Variants in MROH2A observed in about 807,000 individuals in gnomAD.
The protein encoded by MROH2A is maestro heat-like repeat-containing protein family member 2A.
Under a neutral mutation model 200.4 loss-of-function variants are expected in MROH2A, and 174 were observed. The observed-to-expected ratio is 0.87, with a 90% CI of 0.77 to 0.98. MROH2A has a LOEUF of 0.98. Among genes scored for constraint, MROH2A ranks in the 50% least tolerant of loss-of-function variants. The pLI is 0.00. For missense variants in MROH2A, 2,045 were observed against 2,139.6 expected (o/e 0.96, Z 0.87); for synonymous variants, 829 against 840.4 (o/e 0.99, Z 0.23).
At chr2:233,806,740 C>T (rs13412302) in intron 19 of MROH2A, among the ~76,000 whole-genome samples, 1 of 152,086 alleles carries the variant, frequency 6.6e-6, no homozygotes, top group Non-Finnish European at 1.5e-5. Flanking sequence ...TATAACATGC[C>T]TGCCCTTATG....
chr2:233,809,194 C>G lies in MROH2A; in HGVS notation c.2364C>G (p.Ser788=). The G allele has an allele frequency of 6.4e-7, 1 of 1,550,520 alleles. No individual in the cohort carries two copies. The highest frequency in any genetic ancestry group is 8.7e-7 in the Non-Finnish European group (1 of 1,146,960). ...ALMVMYSCVA[S]YCHPQLLLNL... Reference sequence around the variant, plus strand: ...TGGTGATGTATAGCTGCGTGGCCTCCTACTGCCACCCCCAGTTGCTCCTCA... The same window carrying G: ...TGGTGATGTATAGCTGCGTGGCCTCGTACTGCCACCCCCAGTTGCTCCTCA... The change falls in exon 22 of 42, where the codon TCC becomes TCG. Residue 788 remains serine, a synonymous_variant. Coordinates refer to ENST00000389758, the MANE Select transcript of MROH2A (RefSeq NM_001394639.1).
At chr2:233,825,921 C>CTTTTT (rs34849761) in intron 35 of MROH2A, among the ~76,000 whole-genome samples, 1,947 of 95,188 alleles carry the variant, frequency 0.02, 116 homozygotes, top group African/African-American at 0.076. Context: ...TTTCTTTTTC[C>CTTTTT]TTTTTTTTTT....
chr2:233,822,184 C>T lies in MROH2A; in HGVS notation c.3573C>T (p.Leu1191=). The T allele has an allele frequency of 6.5e-7, 1 of 1,549,784 alleles. No individual in the cohort carries two copies. Reference sequence around the variant, plus strand: ...ACGTGCCCTTCGCCCGGACCATGCTCCACAGCCTGATGGGCCGGCTGCAGT... The same window carrying T: ...ACGTGCCCTTCGCCCGGACCATGCTTCACAGCCTGATGGGCCGGCTGCAGT... The part of the protein sequence containing the change: ...SENVPFARTM[L]HSLMGRLQSR... The change falls in exon 32 of 42, where the codon CTC becomes CTT. Residue 1191 remains leucine, a synonymous_variant. Transcript: ENST00000389758.
rs751223531 is a variant in MROH2A at position 233,828,809 on chromosome 2, C to T, written c.4263+30C>T. ...TGTGCCTGGCCCTGGGCCCAGGTCCCGGGAGCTGAGGGTGCAGGCCGGGTG... is the reference window on the plus strand; with the variant it reads ...TGTGCCTGGCCCTGGGCCCAGGTCCTGGGAGCTGAGGGTGCAGGCCGGGTG... On this transcript the variant is annotated intron_variant, in intron 36 of 41. Coordinates refer to ENST00000389758, the MANE Select transcript of MROH2A (RefSeq NM_001394639.1). The surrounding 1 kb of genome is among the most constrained non-coding windows in gnomAD (Gnocchi z 4.6). 4.0e-5 allele frequency: 62 copies of T among 1,548,922 alleles called. No homozygotes were observed. Among genetic ancestry groups the T allele is most frequent in the Middle Eastern group, 1.7e-4 (1 of 6,006 alleles).
chr2:233,785,823 A>G (rs745889446), intron 3 of MROH2A, among the ~76,000 whole-genome samples: 2 of 152,104 alleles, frequency 1.3e-5, no homozygotes, highest in East Asian at 3.9e-4. Context: ...GTTGGTTGGA[A>G]TACTGTGTTC....
intron 3 of MROH2A, among the ~76,000 whole-genome samples, chr2:233,784,364 G>A (rs1701092325): frequency 1.3e-5 from 2 of 151,890 alleles, no homozygotes; most frequent in Non-Finnish European, 2.9e-5. Flanking sequence ...TTTTTTTGTG[G>A]TTGATTTCTA....
chr2:233,802,367 T>C, intron 15 of MROH2A, 52 bp downstream of exon 15: 1 of 1,509,294 alleles, frequency 6.6e-7, no homozygotes, highest in South Asian at 1.3e-5. Flanking sequence ...GGCTGGCTCC[T>C]TGTCTGGGAA....
chr2:233,825,447 T>C (rs1192631529), intron 35 of MROH2A, among the ~76,000 whole-genome samples: 1 of 152,240 alleles, frequency 6.6e-6, no homozygotes, highest in African/African-American at 2.4e-5. Flanking sequence ...AGTATGATAT[T>C]GGTTGTGGGT....
At chr2:233,785,467 C>CAA (rs34259208) in intron 3 of MROH2A, among the ~76,000 whole-genome samples, 4,878 of 110,474 alleles carry the variant, frequency 0.044, 133 homozygotes, top group African/African-American at 0.067. Flanking sequence ...GACTTTGTCT[C>CAA]AAAAAAAAAA....
chr2:233,804,379 T>C, intron 17 of MROH2A, 116 bp from the exon 18 acceptor site: 2 of 1,332,144 alleles, frequency 1.5e-6, no homozygotes, highest in Non-Finnish European at 2.1e-6. Flanking sequence ...GTGTGATGTG[T>C]TCATCCATGG....
At chr2:233,809,022 C>G in intron 21 of MROH2A, 104 bp from the exon 22 acceptor site, 1 of 1,313,974 alleles carries the variant, frequency 7.6e-7, no homozygotes, top group South Asian at 1.5e-5. Context: ...GAAGCACCGC[C>G]AGCTGACTCA....
intron 3 of MROH2A, among the ~76,000 whole-genome samples, chr2:233,780,793 A>G (rs1464120781): frequency 1.3e-5 from 2 of 152,186 alleles, no homozygotes; most frequent in Admixed American, 6.5e-5. Flanking sequence ...ATTGTTGACT[A>G]TATTCACAAC....
At chr2:233,812,459 T>G (rs1703221022) in intron 24 of MROH2A, among the ~76,000 whole-genome samples, 1 of 152,220 alleles carries the variant, frequency 6.6e-6, no homozygotes, top group African/African-American at 2.4e-5. Context: ...TTAAAGAGTT[T>G]GGGTCATCTC....
At chr2:233,785,220 A>G (rs28899483) in intron 3 of MROH2A, among the ~76,000 whole-genome samples, 2,102 of 152,130 alleles carry the variant, frequency 0.014, 60 homozygotes, top group Admixed American at 0.069. Flanking sequence ...CTTGCTCTTG[A>G]AAGGACAGTT....
At chr2:233,798,472 C>T (rs1371747776) in intron 11 of MROH2A, among the ~76,000 whole-genome samples, 3 of 152,226 alleles carry the variant, frequency 2.0e-5, no homozygotes, top group Non-Finnish European at 2.9e-5. Context: ...CACTTCATGC[C>T]CAGTGCTCTG....
rs140453132 is a variant in MROH2A, at chr2:233,788,458, C to A, written c.277-1039C>A. Reference sequence around the variant, plus strand: ...AGTAGGAAACCAAGACCAAGACTCCCTGTACTGGATTTCACCAGTAGAACT... The same window carrying A: ...AGTAGGAAACCAAGACCAAGACTCCATGTACTGGATTTCACCAGTAGAACT... On this transcript the variant is annotated intron_variant, in intron 3 of 41. Transcript: ENST00000389758. 7.0e-3 allele frequency among the ~76,000 whole-genome samples: 1,062 copies of A among 151,908 alleles called. 12 individuals carry two copies. The highest frequency in any genetic ancestry group is 0.024 in the African/African-American group (1,004 of 41,392).
chr2:233,822,782 C>T, intron 33 of MROH2A, 99 bp from the exon 34 acceptor site: 1 of 1,438,838 alleles, frequency 7.0e-7, no homozygotes, highest in African/African-American at 1.4e-5. Context: ...TGGGCTGGGC[C>T]CGGCAGGCAC....
In MROH2A at chr2:233,818,198, C is replaced by T. The variant is rs28900685; in HGVS notation, c.3085+73C>T. Reference sequence around the variant, plus strand: ...GGGCTGACTCCAGGAGTATGGGCTGCGGCCTGCCCTGGAGGGAAGGATGGC... The same window carrying T: ...GGGCTGACTCCAGGAGTATGGGCTGTGGCCTGCCCTGGAGGGAAGGATGGC... On this transcript the variant is annotated intron_variant, in intron 28 of 41. Coordinates refer to ENST00000389758, the MANE Select transcript of MROH2A (RefSeq NM_001394639.1). 8,915 of 1,518,848 alleles carry T rather than the reference C, an allele frequency of 5.9e-3. 366 individuals carry two copies. In the African/African-American group the frequency reaches 0.095, roughly 16 times the overall value. 94.1% of individuals were successfully genotyped at this position (1,518,848 alleles called of 1,614,324 possible). A position where few individuals can be genotyped will look rare whatever the true frequency, so the allele number is the denominator to read the frequency against.
intron 3 of MROH2A, among the ~76,000 whole-genome samples, chr2:233,781,009 T>C (rs1456711385): frequency 1.3e-5 from 2 of 152,228 alleles, no homozygotes; most frequent in African/African-American, 4.8e-5. Context: ...TGTGCCTGAC[T>C]CATTTCACTT....
Sources: gnomAD v4.1 joint callset for allele counts (sites outside exome capture counted in the v4.1 genomes callset) on GRCh38, gnomAD v4.1.1 for gene constraint, Gnocchi (gnomAD v3.1) non-coding constraint, MANE v1.5 for transcripts, NCBI Gene and HGNC (gene_info 2026-07-23, HGNC 2026-07-21) for gene names.